PLCB1: variants seen among roughly 807,000 people sequenced by gnomAD.
The protein encoded by PLCB1 is 1-phosphatidylinositol 4,5-bisphosphate phosphodiesterase beta-1.
A neutral mutation model predicts 161.8 loss-of-function variants in PLCB1; 46 were observed. The ratio of observed to expected loss-of-function variants is 0.28; its 90% confidence interval spans 0.22 to 0.36. The LOEUF (loss-of-function observed/expected upper bound fraction) is 0.36. Ranked by LOEUF, PLCB1 falls within the 10% of genes least tolerant of loss-of-function variation. The pLI, the probability that PLCB1 is intolerant of heterozygous loss-of-function variation, is 1.00. For synonymous variants in PLCB1, 517 were observed against 503.7 expected (o/e 1.03, Z -0.35); for missense variants, 1,016 against 1,472.5 (o/e 0.69, Z 5.07).
At chr20:8,667,096 A>T (rs1026060603) in intron 9 of PLCB1, among the ~76,000 whole-genome samples, 2 of 152,342 alleles carry the variant, frequency 1.3e-5, no homozygotes, top group South Asian at 2.1e-4. Flanking sequence ...AACAGAACCG[A>T]CGTGAATCAA....
intron 3 of PLCB1, among the ~76,000 whole-genome samples, chr20:8,574,941 G>C (rs1986630725): frequency 6.6e-6 from 1 of 152,208 alleles, no homozygotes; most frequent in African/African-American, 2.4e-5. Context: ...GACACAGCTG[G>C]GGAATCAACA....
intron 2 of PLCB1, among the ~76,000 whole-genome samples, chr20:8,273,065 A>G (rs756485057): frequency 2.0e-5 from 3 of 152,208 alleles, no homozygotes; most frequent in Non-Finnish European, 4.4e-5. Context: ...CCAAATACAG[A>G]CTGATGCAAT....
intron 27 of PLCB1, among the ~76,000 whole-genome samples, chr20:8,785,691 A>T (rs1429506026): frequency 6.6e-6 from 1 of 152,140 alleles, no homozygotes; most frequent in Non-Finnish European, 1.5e-5. Flanking sequence ...CACCAAACCA[A>T]CATAAAAGTC....
At chr20:8,875,483 A>T (rs1332274383) in intron 31 of PLCB1, among the ~76,000 whole-genome samples, 3 of 137,782 alleles carry the variant, frequency 2.2e-5, no homozygotes, top group Non-Finnish European at 4.7e-5. Context: ...TTATATTATA[A>T]AATATTTATA....
rs184938677 is a variant in PLCB1 at position 8,782,092 on chromosome 20, G to A, written c.3112-6357G>A. ...TATAACATTGAGACTCAAATAAGCA[G>A]CTATTTTAATATAAGTTCTATTTAG... On this transcript the variant is annotated intron_variant, in intron 27 of 31. Coordinates refer to ENST00000338037, the MANE Select transcript of PLCB1 (RefSeq NM_015192.4). Among the ~76,000 whole-genome samples, 311 of 152,228 alleles carry A rather than the reference G, an allele frequency of 2.0e-3. 1 individual carries two copies. The highest frequency in any genetic ancestry group is 7.2e-3 in the African/African-American group (299 of 41,544).
At chr20:8,387,613 G>A (rs1462379550) in intron 3 of PLCB1, among the ~76,000 whole-genome samples, 1 of 152,124 alleles carries the variant, frequency 6.6e-6, no homozygotes, top group African/African-American at 2.4e-5. Context: ...TTGTAAAAAT[G>A]GCACCAACAG....
intron 3 of PLCB1, among the ~76,000 whole-genome samples, chr20:8,601,204 G>T (rs1987576612): frequency 6.6e-6 from 1 of 152,206 alleles, no homozygotes; most frequent in Non-Finnish European, 1.5e-5. Context: ...AAGAAGTAGA[G>T]AGAAAATTGA....
chr20:8,161,271 G>A (rs541979703), intron 2 of PLCB1, among the ~76,000 whole-genome samples: 29 of 151,958 alleles, frequency 1.9e-4, no homozygotes, highest in African/African-American at 4.8e-4. Flanking sequence ...TCTATATGCC[G>A]TGCTACATAT....
chr20:8,729,068 T>C lies in PLCB1; in HGVS notation c.1782T>C (p.Leu594=), dbSNP rs878855005. The part of the protein sequence containing the change: ...VEFVEYNKMQ[L]SRIYPKGTRV... ...GGTCCAGATATAACAAAATGCAGCT[T>C]AGCAGGATATATCCAAAAGGAACAC... The change falls in exon 18 of 32, where the codon CTT becomes CTC. Residue 594 remains leucine (L), a synonymous_variant. Transcript: ENST00000338037. 1.9e-6 allele frequency: 3 copies of C among 1,610,280 alleles called. No homozygotes were observed. The Admixed American group carries it at 5.0e-5, about 27-fold the overall frequency.
intron 2 of PLCB1, among the ~76,000 whole-genome samples, chr20:8,342,907 G>GT (rs1246045972): frequency 1.3e-5 from 2 of 152,202 alleles, no homozygotes; most frequent in Non-Finnish European, 2.9e-5. Flanking sequence ...TTCAGCTACA[G>GT]TAGATGCTGG....
rs112484292 is a variant in PLCB1, at chr20:8,865,686, G to A, written c.3424-15936G>A. Among the ~76,000 whole-genome samples the A allele has an allele frequency of 3.4e-3, 514 of 152,244 alleles. 3 individuals carry two copies. The highest frequency in any genetic ancestry group is 0.01 in the African/African-American group (430 of 41,548). On this transcript the variant is annotated intron_variant, in intron 31 of 31. Coordinates refer to ENST00000338037, the MANE Select transcript of PLCB1 (RefSeq NM_015192.4). ...TCCATCATCCCCTAGGATCTTGCTG[G>A]AAAGGGGAAAGAAATAGTAGAGATT...
rs6086564 is a variant in PLCB1, at chr20:8,722,605, C to T, written c.1581+184C>T. ...GTTCCACAATCCGGAGAAGATATGG[C>T]GTTTAGAAAAATGATCAGAACTGTG... On this transcript the variant is annotated intron_variant, in intron 15 of 31. Coordinates refer to ENST00000338037, the MANE Select transcript of PLCB1 (RefSeq NM_015192.4). Among the ~76,000 whole-genome samples, 5,078 of 152,132 alleles carry T rather than the reference C, an allele frequency of 0.033. 131 individuals are homozygous for T. Among genetic ancestry groups the T allele is most frequent in the Non-Finnish European group, 0.054 (3,642 of 67,994 alleles).
chr20:8,664,147 G>A (rs1312518120), intron 9 of PLCB1, among the ~76,000 whole-genome samples: 1 of 152,074 alleles, frequency 6.6e-6, no homozygotes, highest in Non-Finnish European at 1.5e-5. Context: ...AATTAATGTA[G>A]CAGATTATAA....
At chr20:8,215,079 G>A (rs926351691) in intron 2 of PLCB1, among the ~76,000 whole-genome samples, 10 of 152,080 alleles carry the variant, frequency 6.6e-5, no homozygotes, top group African/African-American at 2.4e-4. Context: ...TACATAGACA[G>A]GCTGAATGCA....
At chr20:8,733,639 TGG>T (rs1980392983) in intron 19 of PLCB1, among the ~76,000 whole-genome samples, 20 of 133,114 alleles carry the variant, frequency 1.5e-4, no homozygotes, top group Admixed American at 1.4e-3. Context: ...GGGACTGTTG[TGG>T]GGTGGGGGGA....
chr20:8,881,475 C>A, intron 31 of PLCB1, 147 bp from the exon 32 acceptor site: 1 of 667,562 alleles, frequency 1.5e-6, no homozygotes, highest in Non-Finnish European at 2.7e-6. Context: ...AACTTTGTTA[C>A]ATCTCCTCTA....
At chr20:8,466,463 T>TA (rs1401549624) in intron 3 of PLCB1, among the ~76,000 whole-genome samples, 8 of 151,744 alleles carry the variant, frequency 5.3e-5, no homozygotes, top group African/African-American at 1.9e-4. Flanking sequence ...CCCTAAAACT[T>TA]AAAGTGTAAT....
intron 20 of PLCB1, among the ~76,000 whole-genome samples, chr20:8,738,202 G>GT (rs1457170438): frequency 6.6e-6 from 1 of 152,152 alleles, no homozygotes; most frequent in African/African-American, 2.4e-5. Context: ...AGTGGTGGTT[G>GT]TTTTCACTTT....
At chr20:8,179,239 T>G (rs1193753161) in intron 2 of PLCB1, among the ~76,000 whole-genome samples, 1 of 152,176 alleles carries the variant, frequency 6.6e-6, no homozygotes, top group Non-Finnish European at 1.5e-5. Flanking sequence ...GGCCAGTTTA[T>G]CAATATTGAC....
Sources: gnomAD v4.1 joint callset for allele counts (sites outside exome capture counted in the v4.1 genomes callset) on GRCh38, gnomAD v4.1.1 for gene constraint, MANE v1.5 for transcripts, NCBI Gene and HGNC (gene_info 2026-07-23, HGNC 2026-07-21) for gene names.